PER2: variants seen among roughly 807,000 people sequenced by gnomAD.
PER2 encodes period circadian protein homolog 2.
A neutral mutation model predicts 121.0 loss-of-function variants in PER2; 66 were observed. That is an observed-to-expected ratio of 0.55 (90% CI 0.45 to 0.67). The LOEUF (loss-of-function observed/expected upper bound fraction) is 0.67. Ranked by LOEUF, PER2 falls within the 30% of genes least tolerant of loss-of-function variation. The pLI, the probability that PER2 is intolerant of heterozygous loss-of-function variation, is 0.00. For missense variants in PER2, 1,521 were observed against 1,635.0 expected (o/e 0.93, Z 1.20); for synonymous variants, 684 against 659.9 (o/e 1.04, Z -0.56).
upstream of PER2, among the ~76,000 whole-genome samples, chr2:238,294,938 G>GGTGGGGATGGCTGGGGTGCAGGTCCATC (rs1697018548): frequency 6.6e-6 from 1 of 152,244 alleles, no homozygotes; most frequent in African/African-American, 2.4e-5. Context: ...AGGACTCACA[G>GGTGGGGATGGCTGGGGTGCAGGTCCATC]GTGGGGATGG....
At chr2:238,266,502 A>G (rs768528445) in intron 8 of PER2, among the ~76,000 whole-genome samples, 10 of 152,244 alleles carry the variant, frequency 6.6e-5, no homozygotes, top group Non-Finnish European at 1.2e-4. Flanking sequence ...CAAAGCTGAT[A>G]GAGTAATTTG....
chr2:238,288,136 C>A (rs1351008709), intron 1 of PER2, among the ~76,000 whole-genome samples: 2 of 152,154 alleles, frequency 1.3e-5, no homozygotes, highest in African/African-American at 4.8e-5. Context: ...CCTCCATGGC[C>A]CTTCCCCAGC....
chr2:238,289,415 A>G (rs1460897136), upstream of PER2: 1 of 152,230 alleles, frequency 6.6e-6, no homozygotes, highest in Admixed American at 6.5e-5. Flanking sequence ...TGTGGTCGAC[A>G]CTTGTCCCGG....
chr2:238,253,549 C>T lies in PER2; in HGVS notation c.2474G>A (p.Gly825Asp). 1 of 1,611,126 alleles carries T rather than the reference C, an allele frequency of 6.2e-7. No individual in the cohort carries two copies. Among genetic ancestry groups the T allele is most frequent in the South Asian group, 1.1e-5 (1 of 90,784 alleles). Residue 825 changes from glycine (G) to aspartate (D), a missense_variant, in exon 19 of 23, where the codon GGC becomes GAC. By Grantham distance (94) the Gly-to-Asp change is moderately conservative. Coordinates refer to ENST00000254657, the MANE Select transcript of PER2 (RefSeq NM_022817.3). The surrounding 1 kb of genome is among the most constrained non-coding windows in gnomAD (Gnocchi z 5.6). ...GPVSARPPLV[G>D]LNATAWSPSD... ...GGGTGACCAGGCTGTGGCGTTCAAG[C>T]CCACCAGCGGGGGCCGGGCGGACAC...
At chr2:238,275,659 A>C in intron 4 of PER2, 84 bp downstream of exon 4, 1 of 1,460,136 alleles carries the variant, frequency 6.8e-7, no homozygotes, top group Non-Finnish European at 9.6e-7. Context: ...GAGTTTTAGA[A>C]AGTCAACACA....
In PER2 at chr2:238,257,067, C is replaced by T. The variant is rs1168308682; in HGVS notation, c.1920G>A (p.Arg640=). ...TACCTACTCCCGTGCGGCTGTTCAC[C>T]CTGGAGGGCGGCTCTGCCTCTTCAT... The part of the protein sequence containing the change: ...PHAGEAEPPS[R]VNSRTGVGTH... Residue 640 remains arginine, a synonymous_variant, in exon 17 of 23, where the codon AGG becomes AGA. Coordinates refer to ENST00000254657, the MANE Select transcript of PER2 (RefSeq NM_022817.3). 1.2e-6 allele frequency: 2 copies of T among 1,612,766 alleles called. No individual in the cohort carries two copies. The highest frequency in any genetic ancestry group is 1.7e-6 in the Non-Finnish European group (2 of 1,179,914).
At chr2:238,298,133 C>T in the PER2 span, among the ~76,000 whole-genome samples, 5 of 150,878 alleles carry the variant, frequency 3.3e-5, no homozygotes, top group South Asian at 8.3e-4. Flanking sequence ...CTCCCGGGTT[C>T]ACCCCATTCT....
intron 17 of PER2, 88 bp downstream of exon 17, chr2:238,256,834 T>C: frequency 7.4e-7 from 1 of 1,353,346 alleles, no homozygotes; most frequent in Non-Finnish European, 1.0e-6. Flanking sequence ...GGAGTTCTTC[T>C]GCACTTAGAA....
chr2:238,275,498 G>A (rs1696424236), intron 4 of PER2, among the ~76,000 whole-genome samples: 1 of 152,164 alleles, frequency 6.6e-6, no homozygotes, highest in Non-Finnish European at 1.5e-5. Flanking sequence ...AGACCAGCCT[G>A]GGCAACATAG....
chr2:238,253,767 T>C lies in PER2; in HGVS notation c.2321-65A>G. On this transcript the variant is annotated intron_variant, in intron 18 of 22. Coordinates refer to ENST00000254657, the MANE Select transcript of PER2 (RefSeq NM_022817.3). The surrounding 1 kb of genome is among the most constrained non-coding windows in gnomAD (Gnocchi z 5.6). The stretch of plus-strand genomic sequence containing the variant: ...CTCCAAATTTGAAGACACCTCTTCG[T>C]TCAACAGTCCTGGGTTTCCAAATGC... 7.9e-7 allele frequency: 1 copy of C among 1,272,118 alleles called. No homozygotes were observed. The highest frequency in any genetic ancestry group is 1.1e-6 in the Non-Finnish European group (1 of 903,826). 78.8% of individuals were successfully genotyped at this position (1,272,118 alleles called of 1,614,324 possible). A position where few individuals can be genotyped will look rare whatever the true frequency, so the allele number is the denominator to read the frequency against.
chr2:238,288,071 A>G (rs1696841505), intron 1 of PER2, among the ~76,000 whole-genome samples: 1 of 152,038 alleles, frequency 6.6e-6, no homozygotes, highest in Non-Finnish European at 1.5e-5. Flanking sequence ...TGTCCCTCTG[A>G]TCACCCATTC....
intron 1 of PER2, among the ~76,000 whole-genome samples, chr2:238,284,758 G>C (rs1696734240): frequency 6.6e-6 from 1 of 152,224 alleles, no homozygotes; most frequent in Admixed American, 6.5e-5. Flanking sequence ...TGGAAGATAA[G>C]TATTTTTGCA....
At chr2:238,254,485 C>A (rs1055899312) in intron 18 of PER2, among the ~76,000 whole-genome samples, 16 of 152,208 alleles carry the variant, frequency 1.1e-4, no homozygotes, top group African/African-American at 3.9e-4. Context: ...ATGGGCTAGT[C>A]CAAGGCAAAC....
chr2:238,257,450 A>G (rs1695796425), intron 16 of PER2, among the ~76,000 whole-genome samples: 1 of 152,170 alleles, frequency 6.6e-6, no homozygotes, highest in Non-Finnish European at 1.5e-5. Context: ...TCAGGAGCCA[A>G]CCATAATCCG....
At chr2:238,299,594 G>C in the PER2 span, 1 of 151,338 alleles carries the variant, frequency 6.6e-6, no homozygotes, top group African/African-American at 2.5e-5. Flanking sequence ...AGGGTTGAAG[G>C]CTACAAACGA....
chr2:238,274,207 G>A (rs746284923), intron 4 of PER2, among the ~76,000 whole-genome samples: 15 of 152,254 alleles, frequency 9.9e-5, no homozygotes, highest in Non-Finnish European at 2.1e-4. Context: ...CGGGCTCTGG[G>A]GTGACAAGCC....
chr2:238,253,602 T>C lies in PER2; in HGVS notation c.2421A>G (p.Ser807=), dbSNP rs144985716. 2 of 1,610,382 alleles carry C rather than the reference T, an allele frequency of 1.2e-6. No homozygotes were observed. The highest frequency in any genetic ancestry group is 3.4e-5 in the Admixed American group (2 of 59,644). The change falls in exon 19 of 23, where the codon TCA becomes TCG. Residue 807 remains serine, a synonymous_variant. Transcript: ENST00000254657. The surrounding 1 kb of genome is among the most constrained non-coding windows in gnomAD (Gnocchi z 5.6). ...LKSKRVKPRD[S]SESTGSGGPV... is the part of the protein sequence containing the mutation. ...GCCCCCCAGATCCGGTGCTCTCAGA[T>C]GAGTCTCGAGGTTTGACCCGCTTGG...
rs761051387 is a variant in PER2 at position 238,271,199 on chromosome 2, C to A, written c.772+113G>T. ...CAGAGCAGGCAGCTGGCGGCCCCCA[C>A]AGGTGGGCTCTGAAAGGTGAGGCAG... On this transcript the variant is annotated intron_variant, in intron 6 of 22. Transcript: ENST00000254657. 3.4e-6 allele frequency: 3 copies of A among 892,384 alleles called. No homozygotes were observed. In the South Asian group the frequency reaches 3.9e-5, roughly 12 times the overall value. 55.3% of individuals were successfully genotyped at this position (892,384 alleles called of 1,614,324 possible).
At position 238,267,243 on chromosome 2, in the gene PER2, C is replaced by T. The variant is rs115623668; in HGVS notation, c.967+813G>A. 7.8e-3 allele frequency among the ~76,000 whole-genome samples: 1,190 copies of T among 152,306 alleles called. 15 individuals carry two copies. Among genetic ancestry groups the T allele is most frequent in the African/African-American group, 0.027 (1,143 of 41,564 alleles). ...TCCTGGCCAGGGATTTCGGCCAATA[C>T]AAGGACCAAGGTGCCACAAAGCAGG... On this transcript the variant is annotated intron_variant, in intron 8 of 22. Coordinates refer to ENST00000254657, the MANE Select transcript of PER2 (RefSeq NM_022817.3).
Sources: gnomAD v4.1 joint callset for allele counts (sites outside exome capture counted in the v4.1 genomes callset) on GRCh38, gnomAD v4.1.1 for gene constraint, Gnocchi (gnomAD v3.1) non-coding constraint, MANE v1.5 for transcripts, NCBI Gene and HGNC (gene_info 2026-07-23, HGNC 2026-07-21) for gene names.